Variants in LRRTM3 observed in about 807,000 individuals in gnomAD.
LRRTM3 encodes leucine rich repeat transmembrane neuronal 3, also known as leucine-rich repeat transmembrane neuronal protein 3.
In LRRTM3, 24 loss-of-function variants were observed where a neutral mutation model predicts 44.7. The observed-to-expected ratio is 0.54, with a 90% CI of 0.39 to 0.76. LRRTM3 has a LOEUF of 0.76. Ranked by LOEUF, LRRTM3 falls within the 30% of genes least tolerant of loss-of-function variation. The pLI is 0.00. For missense variants in LRRTM3, 587 were observed against 702.2 expected, an observed-to-expected ratio of 0.84 and a Z score of 1.85; for synonymous variants, 277 against 278.7, an observed-to-expected ratio of 0.99 and a Z score of 0.06.
At chr10:67,027,585 C>A (rs964921332) in intron 2 of LRRTM3, among the ~76,000 whole-genome samples, 4 of 151,892 alleles carry the variant, frequency 2.6e-5, no homozygotes, top group African/African-American at 9.7e-5. Flanking sequence ...AACATGTGCG[C>A]CACCATGCCC....
intron 2 of LRRTM3, among the ~76,000 whole-genome samples, chr10:67,050,385 G>A (rs916934833): frequency 2.0e-5 from 3 of 152,058 alleles, no homozygotes; most frequent in Non-Finnish European, 4.4e-5. Context: ...CTTTAGCTAA[G>A]GTGATGTAAT....
At position 66,927,573 on chromosome 10, in the gene LRRTM3, G is replaced by A. The variant is rs369665213; in HGVS notation, c.657G>A (p.Lys219=). ...ELHLEHNQFS[K]LNLALFPRLV... The stretch of plus-strand genomic sequence containing the variant: ...ACCTGGAGCACAATCAATTTTCCAA[G>A]CTCAACCTGGCCCTTTTTCCAAGGT... Residue 219 remains lysine, a synonymous_variant, in exon 2 of 3, where the codon AAG becomes AAA. Coordinates refer to ENST00000361320, the MANE Select transcript of LRRTM3 (RefSeq NM_178011.5). The surrounding 1 kb of genome is among the most constrained non-coding windows in gnomAD (Gnocchi z 4.7). 2.9e-5 allele frequency: 47 copies of A among 1,614,006 alleles called. No individual in the cohort carries two copies. Among genetic ancestry groups the A allele is most frequent in the Middle Eastern group, 1.6e-4 (1 of 6,084 alleles).
chr10:67,069,755 T>C (rs1002789156), intron 2 of LRRTM3, among the ~76,000 whole-genome samples: 1 of 152,198 alleles, frequency 6.6e-6, no homozygotes, highest in Non-Finnish European at 1.5e-5. Context: ...ACATGGCTGA[T>C]ATTCATTCAC....
chr10:66,926,434 A>C lies in LRRTM3; in HGVS notation c.-150A>C. On this transcript the variant is annotated 5_prime_UTR_variant, in exon 1 of 3. Transcript: ENST00000361320. ...CGTGGCTGGCAAAGAATAATGTTCCAAAATCGGTCCATCTCCCAAGGGGTC... is the reference window on the plus strand; with the variant it reads ...CGTGGCTGGCAAAGAATAATGTTCCCAAATCGGTCCATCTCCCAAGGGGTC... The C allele has an allele frequency of 2.6e-6, 2 of 774,108 alleles. No individual in the cohort carries two copies. Among genetic ancestry groups the C allele is most frequent in the Non-Finnish European group, 4.4e-6 (2 of 449,454 alleles). The allele number at this position is 774,108 out of a possible 1,614,324, so 48.0% of individuals were successfully genotyped here. A position where few individuals can be genotyped will look rare whatever the true frequency, so the allele number is the denominator to read the frequency against.
At chr10:67,038,962 A>C (rs1017627977) in intron 2 of LRRTM3, among the ~76,000 whole-genome samples, 1 of 152,110 alleles carries the variant, frequency 6.6e-6, no homozygotes, top group Admixed American at 6.5e-5. Flanking sequence ...GAGAAGATTC[A>C]TGATAGATAT....
intron 2 of LRRTM3, among the ~76,000 whole-genome samples, chr10:67,031,423 A>G (rs1279986672): frequency 6.6e-6 from 1 of 152,198 alleles, no homozygotes; most frequent in African/African-American, 2.4e-5. Flanking sequence ...CCTTTCTACT[A>G]TACATTGTGC....
intron 2 of LRRTM3, among the ~76,000 whole-genome samples, chr10:67,029,793 A>C (rs932758482): frequency 1.3e-5 from 2 of 152,316 alleles, no homozygotes; most frequent in South Asian, 4.1e-4. Context: ...GTAGCCACTA[A>C]CCTCATGTAC....
intron 2 of LRRTM3, among the ~76,000 whole-genome samples, chr10:67,017,316 G>A (rs1204145573): frequency 2.0e-5 from 3 of 152,180 alleles, no homozygotes; most frequent in Non-Finnish European, 2.9e-5. Flanking sequence ...GTGAGGTTAG[G>A]TTAGTTACCA....
chr10:66,978,086 A>G (rs1850164340), intron 2 of LRRTM3, among the ~76,000 whole-genome samples: 2 of 143,124 alleles, frequency 1.4e-5, no homozygotes, highest in Non-Finnish European at 3.2e-5. Context: ...ACACACACAC[A>G]CACACATGCG....
At chr10:66,985,893 A>G (rs1850703730) in intron 2 of LRRTM3, among the ~76,000 whole-genome samples, 1 of 151,830 alleles carries the variant, frequency 6.6e-6, no homozygotes, top group Non-Finnish European at 1.5e-5. Flanking sequence ...ACACCCAGCT[A>G]ATTTTTGTAT....
rs1437563245 is a variant in LRRTM3 at position 66,978,541 on chromosome 10, A to AT, written c.1536+50089_1536+50090insT. Among the ~76,000 whole-genome samples, 310 of 111,084 alleles carry AT rather than the reference A, an allele frequency of 2.8e-3. 18 individuals carry two copies. Among genetic ancestry groups the AT allele is most frequent in the Middle Eastern group, 0.01 (2 of 196 alleles). The allele number at this position is 111,084 out of a possible 152,430, so 72.9% of individuals were successfully genotyped here. ...GACTCCATCTCAAAAAAAAAAAAAA[A>AT]AAAAAAAAAAAATATATATATATAT... On this transcript the variant is annotated intron_variant, in intron 2 of 2. Transcript: ENST00000361320.
rs371974061 is a variant in LRRTM3 at position 67,097,814 on chromosome 10, C to T, written c.*18C>T. On this transcript the variant is annotated 3_prime_UTR_variant, in exon 3 of 3. Transcript: ENST00000361320. ...TAGCTTAACTGAGATCATTGGTAGCCAGGGGTTGCTACCAAACTTTGTAAC... is the reference window on the plus strand; with the variant it reads ...TAGCTTAACTGAGATCATTGGTAGCTAGGGGTTGCTACCAAACTTTGTAAC... The T allele has an allele frequency of 3.7e-6, 6 of 1,607,984 alleles. No homozygotes were observed. Among genetic ancestry groups the T allele is most frequent in the African/African-American group, 1.3e-5 (1 of 74,644 alleles).
At chr10:67,085,038 G>T (rs1233981110) in intron 2 of LRRTM3, among the ~76,000 whole-genome samples, 1 of 151,862 alleles carries the variant, frequency 6.6e-6, no homozygotes, top group Non-Finnish European at 1.5e-5. Context: ...TTAACCTTGA[G>T]CTTCAAATTT....
intron 2 of LRRTM3, among the ~76,000 whole-genome samples, chr10:66,937,943 T>C (rs1847799824): frequency 1.3e-5 from 2 of 152,072 alleles, no homozygotes; most frequent in Admixed American, 1.3e-4. Flanking sequence ...TATGTTAGAG[T>C]TATTAAGGGG....
At chr10:67,050,622 C>T (rs1450320904) in intron 2 of LRRTM3, among the ~76,000 whole-genome samples, 4 of 152,124 alleles carry the variant, frequency 2.6e-5, no homozygotes, top group Non-Finnish European at 4.4e-5. Context: ...CTCTTTGGTA[C>T]GCTGAGGCTG....
At chr10:67,092,704 T>C (rs1857727242) in intron 2 of LRRTM3, among the ~76,000 whole-genome samples, 1 of 151,920 alleles carries the variant, frequency 6.6e-6, no homozygotes, top group Non-Finnish European at 1.5e-5. Context: ...AAAAGACCAT[T>C]AGTAATTAGT....
chr10:67,074,562 G>A (rs1249705175), intron 2 of LRRTM3, among the ~76,000 whole-genome samples: 1 of 151,906 alleles, frequency 6.6e-6, no homozygotes, highest in Non-Finnish European at 1.5e-5. Flanking sequence ...ATGTTAGCCA[G>A]GATGGTCTCG....
Position 67,041,188 on chromosome 10 carries a change from T to C in LRRTM3, c.1537-56399T>C, listed in dbSNP as rs141571768. On this transcript the variant is annotated intron_variant, in intron 2 of 2. Coordinates refer to ENST00000361320, the MANE Select transcript of LRRTM3 (RefSeq NM_178011.5). Reference sequence around the variant, plus strand: ...GATCATGTTCTGCCAGAGCAAATAGTACTGAAGAAAATCAAACTTGTCAGA... The same window carrying C: ...GATCATGTTCTGCCAGAGCAAATAGCACTGAAGAAAATCAAACTTGTCAGA... Among the ~76,000 whole-genome samples, 1,127 of 152,144 alleles carry C rather than the reference T, an allele frequency of 7.4e-3. 21 individuals are homozygous for C. Among genetic ancestry groups the C allele is most frequent in the African/African-American group, 0.026 (1,081 of 41,530 alleles).
At chr10:67,015,947 T>A (rs1379207203) in intron 2 of LRRTM3, among the ~76,000 whole-genome samples, 1 of 152,172 alleles carries the variant, frequency 6.6e-6, no homozygotes, top group Non-Finnish European at 1.5e-5. Context: ...AGTGTCTATT[T>A]TATTTCTGTC....
Sources: gnomAD v4.1 joint callset for allele counts (sites outside exome capture counted in the v4.1 genomes callset) on GRCh38, gnomAD v4.1.1 for gene constraint, Gnocchi (gnomAD v3.1) non-coding constraint, MANE v1.5 for transcripts, NCBI Gene and HGNC (gene_info 2026-07-23, HGNC 2026-07-21) for gene names.